CA10: variants seen among roughly 807,000 people sequenced by gnomAD.
CA10 encodes carbonic anhydrase-related protein 10.
A neutral mutation model predicts 44.2 loss-of-function variants in CA10; 14 were observed. That is an observed-to-expected ratio of 0.32 (90% CI 0.21 to 0.50). The LOEUF (loss-of-function observed/expected upper bound fraction) is 0.50, where lower values mean the gene tolerates loss of function less well. Among genes scored for constraint, CA10 ranks in the 20% least tolerant of loss-of-function variants. The pLI, the probability that CA10 is intolerant of heterozygous loss-of-function variation, is 0.99. For missense variants in CA10, 350 were observed against 409.7 expected (o/e 0.85, Z 1.26); for synonymous variants, 159 against 141.6 (o/e 1.12, Z -0.87).
At chr17:51,656,133 C>T (rs536072440) in intron 4 of CA10, among the ~76,000 whole-genome samples, 31 of 152,318 alleles carry the variant, frequency 2.0e-4, no homozygotes, top group Middle Eastern at 3.4e-3. Flanking sequence ...TAACTTCTTC[C>T]CACTGATACA....
chr17:52,029,041 G>T (rs1049337130), intron 2 of CA10, among the ~76,000 whole-genome samples: 2 of 152,070 alleles, frequency 1.3e-5, no homozygotes, highest in African/African-American at 4.8e-5. Context: ...TAATTCCTTT[G>T]AGGGTGCTAT....
chr17:52,143,608 G>A (rs551798046), intron 1 of CA10, among the ~76,000 whole-genome samples: 1 of 152,144 alleles, frequency 6.6e-6, no homozygotes, highest in Non-Finnish European at 1.5e-5. Flanking sequence ...TTCCATGAAG[G>A]TTCCATGTAC....
intron 3 of CA10, among the ~76,000 whole-genome samples, chr17:51,767,778 ACAGATCATCAGT>A (rs1465314800): frequency 6.6e-6 from 1 of 150,740 alleles, no homozygotes; most frequent in Non-Finnish European, 1.5e-5. Flanking sequence ...GGAGACAGTG[ACAGATCATCAGT>A]CATTAGATTC....
chr17:51,675,779 T>C (rs1345128765), intron 4 of CA10, among the ~76,000 whole-genome samples: 2 of 152,172 alleles, frequency 1.3e-5, no homozygotes, highest in Non-Finnish European at 2.9e-5. Context: ...GTAGTTCTCT[T>C]AGGTTGGTGC....
At chr17:51,761,426 A>AAT (rs1053783292) in intron 3 of CA10, 1 of 152,190 alleles carries the variant, frequency 6.6e-6, no homozygotes, top group African/African-American at 2.4e-5. Flanking sequence ...CTAAATTATA[A>AAT]ACCTCTTAAT....
chr17:52,159,038 C>T (rs1989885822), upstream of CA10, among the ~76,000 whole-genome samples: 1 of 152,228 alleles, frequency 6.6e-6, no homozygotes, highest in Admixed American at 6.5e-5. Context: ...GCCCTGGCTG[C>T]CTCTGTTACC....
At chr17:52,159,440 T>C (rs925472557), upstream of CA10, 1 of 152,254 alleles carries the variant, frequency 6.6e-6, no homozygotes, top group African/African-American at 2.4e-5. Context: ...CCGGGACTAT[T>C]GGAAACCCGG....
At chr17:51,844,718 CAA>C (rs1372027987) in intron 3 of CA10, among the ~76,000 whole-genome samples, 1 of 152,148 alleles carries the variant, frequency 6.6e-6, no homozygotes, top group African/African-American at 2.4e-5. Context: ...AATATGTCCA[CAA>C]AAGAGGCAGA....
intron 2 of CA10, among the ~76,000 whole-genome samples, chr17:51,932,266 C>T (rs1478752554): frequency 6.6e-6 from 1 of 152,120 alleles, no homozygotes; most frequent in Non-Finnish European, 1.5e-5. Flanking sequence ...CTAACAATCA[C>T]ATTAGCCTTC....
intron 3 of CA10, among the ~76,000 whole-genome samples, chr17:51,899,881 T>A (rs2143928186): frequency 7.2e-6 from 1 of 139,274 alleles, no homozygotes; most frequent in South Asian, 2.3e-4. Context: ...TGTTTTCCAT[T>A]TGCTTGGTAG....
chr17:51,665,730 T>A (rs1914181518), intron 4 of CA10, among the ~76,000 whole-genome samples: 1 of 152,222 alleles, frequency 6.6e-6, no homozygotes, highest in Admixed American at 6.5e-5. Context: ...TAAGTATTTG[T>A]GTATCTAAAC....
At chr17:51,767,235 GA>G (rs1905418132) in intron 3 of CA10, among the ~76,000 whole-genome samples, 2 of 152,316 alleles carry the variant, frequency 1.3e-5, no homozygotes, top group East Asian at 3.9e-4. Context: ...ACTAATAGAA[GA>G]AGAGGGGAGT....
chr17:52,135,760 C>T lies in CA10; in HGVS notation c.61+21966G>A, dbSNP rs190799431. Reference sequence around the variant, plus strand: ...GATACTTGTCTCCCTCTCTGCTTCTCATTACTGCTCAATTCTCCACTCTGT... The same window carrying T: ...GATACTTGTCTCCCTCTCTGCTTCTTATTACTGCTCAATTCTCCACTCTGT... On this transcript the variant is annotated intron_variant, in intron 1 of 8. Transcript: ENST00000451037. Among the ~76,000 whole-genome samples the T allele has an allele frequency of 1.5e-3, 233 of 152,308 alleles. 3 individuals carry two copies. Among genetic ancestry groups the T allele is most frequent in the Non-Finnish European group, 2.5e-4 (17 of 68,028 alleles).
chr17:51,786,479 G>A (rs1906288469), intron 3 of CA10, among the ~76,000 whole-genome samples: 1 of 152,172 alleles, frequency 6.6e-6, no homozygotes, highest in Non-Finnish European at 1.5e-5. Context: ...TTGAGTCCGG[G>A]AGGCAGAGGT....
chr17:52,125,679 T>C (rs1483801558), intron 1 of CA10, among the ~76,000 whole-genome samples: 1 of 152,218 alleles, frequency 6.6e-6, no homozygotes, highest in Non-Finnish European at 1.5e-5. Context: ...GTTATCCTTA[T>C]AGTTTTTTTT....
chr17:51,763,541 A>C (rs761952992), intron 3 of CA10: 1 of 152,174 alleles, frequency 6.6e-6, no homozygotes, highest in South Asian at 2.1e-4. Context: ...AGAGGGTCCA[A>C]ATGAAATCAT....
chr17:51,643,823 G>C (rs1278100094), intron 6 of CA10, among the ~76,000 whole-genome samples: 1 of 152,212 alleles, frequency 6.6e-6, no homozygotes, highest in Admixed American at 6.5e-5. Flanking sequence ...TTTACACCTA[G>C]TTTATACCAC....
In CA10 at chr17:52,067,392, C is replaced by G. The variant is rs943540635; in HGVS notation, c.136+4927G>C. On this transcript the variant is annotated intron_variant, in intron 2 of 8. Coordinates refer to ENST00000451037, the MANE Select transcript of CA10 (RefSeq NM_020178.5). ...GCCAAGAACTGAAGTTTAGGAACCTCTGCCCAGATTTTGGATGACGTAGGG... is the reference window on the plus strand; with the variant it reads ...GCCAAGAACTGAAGTTTAGGAACCTGTGCCCAGATTTTGGATGACGTAGGG... 2.6e-5 allele frequency among the ~76,000 whole-genome samples: 4 copies of G among 152,252 alleles called. No individual in the cohort carries two copies. In the South Asian group the frequency reaches 6.2e-4, roughly 24 times the overall value.
chr17:51,934,767 G>A (rs1310428543), intron 2 of CA10, among the ~76,000 whole-genome samples: 2 of 152,100 alleles, frequency 1.3e-5, no homozygotes, highest in Non-Finnish European at 2.9e-5. Context: ...CAAGGTTTTA[G>A]TGCAGATAAA....
Sources: allele counts gnomAD v4.1 joint callset (sites outside exome capture counted in the v4.1 genomes callset), GRCh38; gene constraint gnomAD v4.1.1; transcripts MANE v1.5; gene names NCBI Gene and HGNC (gene_info 2026-07-23, HGNC 2026-07-21).